Variants in FARS2 observed in about 807,000 individuals in gnomAD.
FARS2 encodes phenylalanyl-tRNA synthetase 2, mitochondrial.
A neutral mutation model predicts 46.4 loss-of-function variants in FARS2; 40 were observed. The observed-to-expected ratio is 0.86, with a 90% CI of 0.67 to 1.12. The LOEUF (loss-of-function observed/expected upper bound fraction) is 1.12. Ranked by LOEUF, FARS2 falls within the 50% of genes most tolerant of loss-of-function variation. FARS2 has a pLI of 0.00. For missense variants in FARS2, 513 were observed against 567.9 expected (o/e 0.90, Z 0.98); for synonymous variants, 234 against 214.9 (o/e 1.09, Z -0.78).
chr6:5,691,557 C>T (rs1235355493), intron 6 of FARS2, among the ~76,000 whole-genome samples: 1 of 152,196 alleles, frequency 6.6e-6, no homozygotes, highest in African/African-American at 2.4e-5. Context: ...GAAGTTTTGT[C>T]TCAGAGGAGT....
chr6:5,400,034 G>A (rs1419291053), intron 2 of FARS2, among the ~76,000 whole-genome samples: 1 of 152,148 alleles, frequency 6.6e-6, no homozygotes, highest in African/African-American at 2.4e-5. Context: ...TTTGTTGGGT[G>A]TTGTCAAATT....
At chr6:5,751,454 C>T (rs939072278) in intron 6 of FARS2, among the ~76,000 whole-genome samples, 6 of 152,254 alleles carry the variant, frequency 3.9e-5, no homozygotes, top group African/African-American at 1.4e-4. Context: ...CTGCCTTTAA[C>T]TCTGTCCTCA....
chr6:5,611,175 A>AG (rs1775162428), intron 5 of FARS2, among the ~76,000 whole-genome samples: 1 of 152,236 alleles, frequency 6.6e-6, no homozygotes. Context: ...ACTGTGCAAG[A>AG]GAAGGATAGG....
intron 6 of FARS2, among the ~76,000 whole-genome samples, chr6:5,747,001 G>A (rs1171636483): frequency 1.3e-5 from 2 of 152,216 alleles, no homozygotes; most frequent in Non-Finnish European, 2.9e-5. Flanking sequence ...GATGAGCAAA[G>A]ACATGCAGGA....
intron 6 of FARS2, among the ~76,000 whole-genome samples, chr6:5,739,786 G>A (rs753547291): frequency 3.3e-5 from 5 of 152,194 alleles, no homozygotes; most frequent in Non-Finnish European, 5.9e-5. Flanking sequence ...GGTGCCTAGT[G>A]CCGCCACAAG....
chr6:5,737,081 C>G lies in FARS2; in HGVS notation c.1218-34210C>G, dbSNP rs147945678. 4.3e-3 allele frequency among the ~76,000 whole-genome samples: 661 copies of G among 152,314 alleles called. 4 individuals carry two copies. Among genetic ancestry groups the G allele is most frequent in the African/African-American group, 0.015 (629 of 41,572 alleles). ...GAAATCAGACTTCACAGGTACCATA[C>G]ATTAGCAACACAGATGACCCTGCGT... is the stretch of plus-strand genomic sequence containing the variant. On this transcript the variant is annotated intron_variant, in intron 6 of 6. Coordinates refer to ENST00000274680, the MANE Select transcript of FARS2 (RefSeq NM_006567.5).
intron 6 of FARS2, among the ~76,000 whole-genome samples, chr6:5,620,358 A>G (rs1775707387): frequency 6.6e-6 from 1 of 152,156 alleles, no homozygotes; most frequent in Non-Finnish European, 1.5e-5. Context: ...ATAAAATTGT[A>G]CTTCATTTTA....
chr6:5,455,862 A>AT (rs893615368), intron 4 of FARS2, among the ~76,000 whole-genome samples: 3 of 152,204 alleles, frequency 2.0e-5, no homozygotes. Flanking sequence ...TAGAAATGGT[A>AT]TTTAAGATTA....
chr6:5,702,671 G>A (rs1378285089), intron 6 of FARS2, among the ~76,000 whole-genome samples: 1 of 152,088 alleles, frequency 6.6e-6, no homozygotes, highest in Non-Finnish European at 1.5e-5. Flanking sequence ...GTTTTATTTT[G>A]TAAAAACACT....
intron 3 of FARS2, among the ~76,000 whole-genome samples, chr6:5,428,134 A>G (rs1052378979): frequency 6.6e-6 from 1 of 152,188 alleles, no homozygotes; most frequent in Non-Finnish European, 1.5e-5. Context: ...GGTTTAATAA[A>G]CATTGATTAT....
intron 6 of FARS2, among the ~76,000 whole-genome samples, chr6:5,652,932 A>G (rs1385039936): frequency 1.3e-5 from 2 of 152,176 alleles, no homozygotes. Flanking sequence ...ACCTCCAACT[A>G]GGGCAAGAGG....
rs550982720 is a variant in FARS2 at position 5,432,583 on chromosome 6, T to C, written c.904+1411T>C. On this transcript the variant is annotated intron_variant, in intron 4 of 6. Transcript: ENST00000274680. ...AAAAAAAAGGGAAAGTTGGTTTGGA[T>C]TGGGCATTTGAGCTCACTACATAAG... is the stretch of plus-strand genomic sequence containing the variant. 6.2e-5 allele frequency among the ~76,000 whole-genome samples: 9 copies of C among 144,706 alleles called. No homozygotes were observed. The East Asian group carries it at 1.6e-3, about 26-fold the overall frequency. The allele number at this position is 144,706 out of a possible 152,430, so 94.9% of individuals were successfully genotyped here.
chr6:5,478,694 A>G (rs900967531), intron 4 of FARS2, among the ~76,000 whole-genome samples: 3 of 152,128 alleles, frequency 2.0e-5, no homozygotes, highest in African/African-American at 4.8e-5. Flanking sequence ...CACCATTAAA[A>G]TGGTGGTTCG....
chr6:5,385,853 G>A (rs4960084), intron 2 of FARS2, among the ~76,000 whole-genome samples: 24,611 of 152,068 alleles, frequency 0.16, 2,134 homozygotes, highest in Middle Eastern at 0.2. Context: ...TCACAGTTAC[G>A]GCCTGTGTCT....
intron 6 of FARS2, among the ~76,000 whole-genome samples, chr6:5,716,006 G>A (rs1392052678): frequency 2.0e-5 from 3 of 152,122 alleles, no homozygotes; most frequent in Admixed American, 2.0e-4. Flanking sequence ...AGCCATCCTA[G>A]TGGCTACAAA....
intron 5 of FARS2, among the ~76,000 whole-genome samples, chr6:5,609,030 A>G (rs1044685530): frequency 3.3e-5 from 5 of 152,198 alleles, no homozygotes; most frequent in Admixed American, 6.5e-5. Flanking sequence ...AAACTAAAAT[A>G]ACCTGTTGTA....
At chr6:5,627,640 C>A (rs1411043427) in intron 6 of FARS2, among the ~76,000 whole-genome samples, 1 of 152,210 alleles carries the variant, frequency 6.6e-6, no homozygotes, top group Non-Finnish European at 1.5e-5. Flanking sequence ...TTCATCACTG[C>A]ACTGAGTTAC....
chr6:5,383,843 C>T (rs767328198), intron 2 of FARS2, among the ~76,000 whole-genome samples: 21 of 151,592 alleles, frequency 1.4e-4, no homozygotes, highest in Admixed American at 3.9e-4. Flanking sequence ...CTGTCACCTT[C>T]CTATAGAACA....
intron 6 of FARS2, among the ~76,000 whole-genome samples, chr6:5,632,523 A>T: frequency 6.6e-6 from 1 of 151,874 alleles, no homozygotes; most frequent in East Asian, 1.9e-4. Context: ...AGGAAGCCGC[A>T]TACCCATTTA....
Sources: gnomAD v4.1 joint callset for allele counts (sites outside exome capture counted in the v4.1 genomes callset) on GRCh38, gnomAD v4.1.1 for gene constraint, MANE v1.5 for transcripts, NCBI Gene and HGNC (gene_info 2026-07-23, HGNC 2026-07-21) for gene names.